The following INTS4 variants were observed in gnomAD, a reference collection of about 807,000 sequenced individuals.
The protein encoded by INTS4 is integrator complex subunit 4.
Under a neutral mutation model 119.5 loss-of-function variants are expected in INTS4, and 70 were observed. The observed-to-expected ratio is 0.59, with a 90% CI of 0.48 to 0.71. The LOEUF is 0.71. INTS4 is among the 30% of genes least tolerant of loss of function. INTS4 has a pLI of 0.00. For synonymous variants in INTS4, 316 were observed against 419.6 expected, an observed-to-expected ratio of 0.75 and a Z score of 3.02; for missense variants, 867 against 1,173.2, an observed-to-expected ratio of 0.74 and a Z score of 3.81.
intron 11 of INTS4, among the ~76,000 whole-genome samples, chr11:77,927,637 C>G (rs1953540285): frequency 6.6e-6 from 1 of 152,048 alleles, no homozygotes; most frequent in Non-Finnish European, 1.5e-5. Context: ...CAGCCACTAA[C>G]TCAAACAACT....
At position 77,994,382 on chromosome 11, in the gene INTS4, A is replaced by T. The variant is rs545872514; in HGVS notation, c.54+208T>A. ...TTAAAAAACACTGTTTCTCCTAATAATTTTTTTAAAATCCTGTCAGACTTC... is the reference window on the plus strand; with the variant it reads ...TTAAAAAACACTGTTTCTCCTAATATTTTTTTTAAAATCCTGTCAGACTTC... On this transcript the variant is annotated intron_variant, in intron 1 of 22. Transcript: ENST00000534064. Among the ~76,000 whole-genome samples the T allele has an allele frequency of 7.2e-5, 11 of 152,266 alleles. No individual in the cohort carries two copies. In the South Asian group the frequency reaches 2.3e-3, roughly 32 times the overall value.
chr11:77,908,650 A>G (rs1953020149), intron 15 of INTS4, among the ~76,000 whole-genome samples: 1 of 152,162 alleles, frequency 6.6e-6, no homozygotes, highest in African/African-American at 2.4e-5. Context: ...TGTAGCCATT[A>G]AAATATGGAA....
chr11:77,920,276 T>TAC (rs1168730659), intron 14 of INTS4, among the ~76,000 whole-genome samples: 124 of 145,600 alleles, frequency 8.5e-4, no homozygotes, highest in Middle Eastern at 7.3e-3. Flanking sequence ...CACATATATA[T>TAC]ACACATATAT....
chr11:77,920,206 C>CACACATATATATACACATATAT (rs1489496819), intron 14 of INTS4, among the ~76,000 whole-genome samples: 1 of 88,958 alleles, frequency 1.1e-5, no homozygotes, highest in African/African-American at 4.2e-5. Context: ...CATATATATA[C>CACACATATATATACACATATAT]ACACATATAT....
chr11:77,875,818 A>C (rs2136333602), downstream of INTS4, among the ~76,000 whole-genome samples: 1 of 152,312 alleles, frequency 6.6e-6, no homozygotes, highest in Admixed American at 6.5e-5. Context: ...CAGTCTGAGG[A>C]GCACATTCCC....
At chr11:77,885,863 T>C (rs1450434685) in intron 21 of INTS4, among the ~76,000 whole-genome samples, 1 of 151,616 alleles carries the variant, frequency 6.6e-6, no homozygotes, top group Admixed American at 6.6e-5. Flanking sequence ...AGAGGGGGGC[T>C]GAAACAGCAA....
intron 4 of INTS4, among the ~76,000 whole-genome samples, chr11:77,971,476 G>A (rs531421441): frequency 1.3e-5 from 2 of 151,824 alleles, no homozygotes; most frequent in Admixed American, 6.6e-5. Context: ...GTGAAACCCC[G>A]TCTCTACCAA....
chr11:77,985,193 A>G (rs1856410048), intron 2 of INTS4, among the ~76,000 whole-genome samples: 1 of 152,166 alleles, frequency 6.6e-6, no homozygotes, highest in East Asian at 1.9e-4. Flanking sequence ...CTCTAACTCC[A>G]GTCCATCCAA....
intron 15 of INTS4, among the ~76,000 whole-genome samples, chr11:77,914,533 G>A (rs904869739): frequency 2.0e-5 from 3 of 152,202 alleles, no homozygotes; most frequent in Non-Finnish European, 2.9e-5. Context: ...GAAAGGACTG[G>A]AATCTCCGCT....
intron 15 of INTS4, chr11:77,911,165 A>G: frequency 1.7e-6 from 2 of 1,180,042 alleles, no homozygotes; most frequent in Non-Finnish European, 1.1e-6. Context: ...ACAAAGGGGC[A>G]AAGAGTAAAT....
downstream of INTS4, among the ~76,000 whole-genome samples, chr11:77,875,802 AG>A (rs1391370718): frequency 1.3e-5 from 2 of 152,340 alleles, no homozygotes; most frequent in African/African-American, 4.8e-5. Flanking sequence ...AAAGAACCAC[AG>A]GAGACAGTCT....
rs373502255 is a variant in INTS4 at position 77,912,933 on chromosome 11, A to G, written c.1923-5123T>C. On this transcript the variant is annotated intron_variant, in intron 15 of 22. Transcript: ENST00000534064. Reference sequence around the variant, plus strand: ...TTGGTTAGTGTGTAAAAGAATTCCCATCAGAAAAGTAGTATATTTCTTTCT... The same window carrying G: ...TTGGTTAGTGTGTAAAAGAATTCCCGTCAGAAAAGTAGTATATTTCTTTCT... Among the ~76,000 whole-genome samples, 118 of 152,352 alleles carry G rather than the reference A, an allele frequency of 7.7e-4. 2 individuals are homozygous for G. The highest frequency in any genetic ancestry group is 2.8e-3 in the African/African-American group (116 of 41,594).
intron 12 of INTS4, among the ~76,000 whole-genome samples, chr11:77,923,109 A>C (rs192897917): frequency 6.6e-6 from 1 of 152,112 alleles, no homozygotes; most frequent in African/African-American, 2.4e-5. Context: ...CAGGAGGTCA[A>C]GAGATCAAGA....
At chr11:77,954,296 T>A (rs577266276) in intron 8 of INTS4, among the ~76,000 whole-genome samples, 1,858 of 144,752 alleles carry the variant, frequency 0.013, 27 homozygotes, top group African/African-American at 0.043. Flanking sequence ...AAAAAAAATT[T>A]TTTTTTAATT....
chr11:77,961,171 A>G (rs748776789), intron 4 of INTS4, 33 bp from the exon 5 acceptor site: 2 of 1,523,102 alleles, frequency 1.3e-6, no homozygotes, highest in Non-Finnish European at 1.7e-6. Context: ...GAAAAAAAGA[A>G]AAAGAAAAAA....
intron 8 of INTS4, among the ~76,000 whole-genome samples, chr11:77,949,144 T>C (rs989876702): frequency 1.4e-4 from 22 of 152,072 alleles, no homozygotes; most frequent in African/African-American, 5.1e-4. Context: ...AAGAATAAAA[T>C]CTTGTCATTT....
chr11:77,926,656 T>C (rs1179208138), intron 11 of INTS4, among the ~76,000 whole-genome samples: 2 of 150,346 alleles, frequency 1.3e-5, no homozygotes, highest in African/African-American at 4.9e-5. Context: ...AAAAAAAAAA[T>C]ATATACAAAA....
intron 4 of INTS4, among the ~76,000 whole-genome samples, chr11:77,966,163 T>C (rs1855496231): frequency 6.6e-6 from 1 of 152,216 alleles, no homozygotes. Flanking sequence ...TTGTTGTTGT[T>C]GCTACTTAGT....
chr11:77,942,391 T>C (rs1050069532), intron 8 of INTS4, among the ~76,000 whole-genome samples: 2 of 152,198 alleles, frequency 1.3e-5, no homozygotes, highest in Non-Finnish European at 2.9e-5. Context: ...ATAGGGCTCC[T>C]GAAAATGAGG....
Sources: allele counts gnomAD v4.1 joint callset (sites outside exome capture counted in the v4.1 genomes callset), GRCh38; gene constraint gnomAD v4.1.1; transcripts MANE v1.5; gene names NCBI Gene and HGNC (gene_info 2026-07-23, HGNC 2026-07-21).